ERBB4: variants seen among roughly 807,000 people sequenced by gnomAD.
ERBB4 encodes erb-b2 receptor tyrosine kinase 4, also known as receptor tyrosine-protein kinase erbB-4.
Under a neutral mutation model 158.0 loss-of-function variants are expected in ERBB4, and 42 were observed. That is an observed-to-expected ratio of 0.27 (90% confidence interval 0.21 to 0.34). The LOEUF (loss-of-function observed/expected upper bound fraction) is 0.34, where lower values mean the gene tolerates loss of function less well. Among genes scored for constraint, ERBB4 ranks in the 10% least tolerant of loss-of-function variants. The pLI, the probability that ERBB4 is intolerant of heterozygous loss-of-function variation, is 1.00. For missense variants in ERBB4, 1,333 were observed against 1,624.1 expected (o/e 0.82, Z 3.08); for synonymous variants, 583 against 558.7 (o/e 1.04, Z -0.61).
chr2:211,937,445 C>A (rs970134903), intron 3 of ERBB4, among the ~76,000 whole-genome samples: 1 of 152,118 alleles, frequency 6.6e-6, no homozygotes, highest in Admixed American at 6.6e-5. Flanking sequence ...ACACTTACTT[C>A]TTTCAGTGAA....
intron 20 of ERBB4, among the ~76,000 whole-genome samples, chr2:211,431,333 A>G (rs1018113853): frequency 9.9e-5 from 15 of 152,178 alleles, no homozygotes; most frequent in African/African-American, 3.6e-4. Flanking sequence ...CTTTCACATG[A>G]GCTAAATGTT....
intron 19 of ERBB4, among the ~76,000 whole-genome samples, chr2:211,595,942 T>A (rs2068618840): frequency 6.6e-6 from 1 of 151,922 alleles, no homozygotes. Flanking sequence ...ACAAGAAGAG[T>A]TAATTTATGC....
At chr2:211,631,207 C>A (rs1230604139) in intron 16 of ERBB4, among the ~76,000 whole-genome samples, 1 of 152,048 alleles carries the variant, frequency 6.6e-6, no homozygotes, top group Non-Finnish European at 1.5e-5. Context: ...AACATCACCC[C>A]CAGTTAGGAA....
chr2:211,645,900 T>C (rs2070767883), intron 16 of ERBB4, among the ~76,000 whole-genome samples: 1 of 151,720 alleles, frequency 6.6e-6, no homozygotes, highest in African/African-American at 2.4e-5. Context: ...AATCCCTAGC[T>C]AAACATACTT....
rs777540336 is a variant in ERBB4, at chr2:212,204,356, C to T, written c.83-79453G>A. Among the ~76,000 whole-genome samples, 33 of 151,960 alleles carry T rather than the reference C, an allele frequency of 2.2e-4. 1 individual carries two copies. The highest frequency in any genetic ancestry group is 1.0e-4 in the Non-Finnish European group (7 of 67,960). The stretch of plus-strand genomic sequence containing the variant: ...TTAATGTGTCTTTTTTGCTTTCATT[C>T]TGTTTGCACATGGATAAAGAACTGT... On this transcript the variant is annotated intron_variant, in intron 1 of 27. Coordinates refer to ENST00000342788, the MANE Select transcript of ERBB4 (RefSeq NM_005235.3).
At chr2:212,366,069 AAAG>A (rs2089879547) in intron 1 of ERBB4, among the ~76,000 whole-genome samples, 1 of 151,912 alleles carries the variant, frequency 6.6e-6, no homozygotes, top group African/African-American at 2.4e-5. Context: ...GCAGTGAGGC[AAAG>A]AAGACAGGGA....
At chr2:211,960,972 TTAA>T (rs1191999902) in intron 2 of ERBB4, among the ~76,000 whole-genome samples, 3 of 152,102 alleles carry the variant, frequency 2.0e-5, no homozygotes, top group Non-Finnish European at 4.4e-5. Flanking sequence ...ATGTAAGGTG[TTAA>T]TAATAATAGG....
chr2:212,291,862 A>G (rs1226151639), intron 1 of ERBB4, among the ~76,000 whole-genome samples: 1 of 152,064 alleles, frequency 6.6e-6, no homozygotes, highest in Admixed American at 6.6e-5. Flanking sequence ...TTTTTCAAAA[A>G]TATTTTATTA....
At chr2:211,570,814 G>C (rs1387051694) in intron 19 of ERBB4, among the ~76,000 whole-genome samples, 1 of 151,996 alleles carries the variant, frequency 6.6e-6, no homozygotes, top group Non-Finnish European at 1.5e-5. Context: ...GTGCCTTTGA[G>C]ATCCGGTTTT....
At chr2:211,401,830 C>A (rs1289452437) in intron 25 of ERBB4, among the ~76,000 whole-genome samples, 3 of 151,818 alleles carry the variant, frequency 2.0e-5, no homozygotes, top group African/African-American at 7.3e-5. Context: ...TTCACATATC[C>A]TTTACCCTAG....
chr2:211,981,322 A>G (rs2081790352), intron 2 of ERBB4, among the ~76,000 whole-genome samples: 1 of 152,150 alleles, frequency 6.6e-6, no homozygotes, highest in African/African-American at 2.4e-5. Context: ...TCTTCGATTA[A>G]AAGGTATATA....
intron 3 of ERBB4, among the ~76,000 whole-genome samples, chr2:211,904,076 G>A (rs977088759): frequency 6.6e-6 from 1 of 152,012 alleles, no homozygotes; most frequent in Non-Finnish European, 1.5e-5. Context: ...AGGGTCAGCC[G>A]CTAATGTCAA....
intron 1 of ERBB4, among the ~76,000 whole-genome samples, chr2:212,288,340 C>T (rs1477532558): frequency 6.6e-6 from 1 of 152,056 alleles, no homozygotes; most frequent in Non-Finnish European, 1.5e-5. Flanking sequence ...GAAAATATTA[C>T]GAGGGCTCTA....
At chr2:211,605,461 C>T (rs897349568) in intron 19 of ERBB4, among the ~76,000 whole-genome samples, 7 of 152,016 alleles carry the variant, frequency 4.6e-5, no homozygotes, top group Admixed American at 3.9e-4. Flanking sequence ...GCAACATATG[C>T]CCTGCTGCAG....
chr2:211,433,592 A>T (rs1047688924), intron 20 of ERBB4, among the ~76,000 whole-genome samples: 5 of 150,106 alleles, frequency 3.3e-5, no homozygotes, highest in African/African-American at 1.2e-4. Context: ...AAAATAAAAT[A>T]AAATAAAAAA....
chr2:212,392,576 TG>T (rs1483590010), intron 1 of ERBB4, among the ~76,000 whole-genome samples: 1 of 152,056 alleles, frequency 6.6e-6, no homozygotes, highest in African/African-American at 2.4e-5. Context: ...ATGCATTATC[TG>T]GGCAAAGAGA....
intron 1 of ERBB4, among the ~76,000 whole-genome samples, chr2:212,335,211 A>G (rs2088371642): frequency 6.6e-6 from 1 of 151,956 alleles, no homozygotes; most frequent in Admixed American, 6.6e-5. Flanking sequence ...AATTGTATAA[A>G]GAGGAGCTAC....
chr2:211,826,000 T>C (rs1389890384), intron 3 of ERBB4, among the ~76,000 whole-genome samples: 1 of 151,100 alleles, frequency 6.6e-6, no homozygotes, highest in Non-Finnish European at 1.5e-5. Context: ...ATTTTGGATA[T>C]TAATGGTCTA....
At chr2:212,318,778 TC>T (rs1233177784) in intron 1 of ERBB4, among the ~76,000 whole-genome samples, 6 of 151,560 alleles carry the variant, frequency 4.0e-5, no homozygotes, top group Admixed American at 1.3e-4. Flanking sequence ...TTAAAAGGCT[TC>T]TTATTTTTTA....
Sources: gnomAD v4.1 joint callset for allele counts (sites outside exome capture counted in the v4.1 genomes callset) on GRCh38, gnomAD v4.1.1 for gene constraint, MANE v1.5 for transcripts, NCBI Gene and HGNC (gene_info 2026-07-23, HGNC 2026-07-21) for gene names.